Variants in ADAMTS3 observed in about 807,000 individuals in gnomAD.
ADAMTS3 encodes ADAM metallopeptidase with thrombospondin type 1 motif 3.
Under a neutral mutation model 129.0 loss-of-function variants are expected in ADAMTS3, and 73 were observed. The observed-to-expected ratio is 0.57, with a 90% CI of 0.47 to 0.69. The LOEUF is 0.69. Ranked by LOEUF, ADAMTS3 falls within the 30% of genes least tolerant of loss-of-function variation. The probability of loss-of-function intolerance (pLI) is 0.00; values close to 1 mark genes in which losing one functional copy is unlikely to be tolerated. For missense variants in ADAMTS3, 1,457 were observed against 1,514.5 expected (o/e 0.96, Z 0.63); for synonymous variants, 477 against 510.8 (o/e 0.93, Z 0.89).
chr4:72,536,415 T>A (rs879368974), intron 3 of ADAMTS3, among the ~76,000 whole-genome samples: 1 of 152,212 alleles, frequency 6.6e-6, no homozygotes, highest in African/African-American at 2.4e-5. Flanking sequence ...ACAGGCCGAA[T>A]TGGGTTACTG....
chr4:72,326,071 A>C (rs1322850252), intron 5 of ADAMTS3, among the ~76,000 whole-genome samples: 1 of 152,168 alleles, frequency 6.6e-6, no homozygotes, highest in Non-Finnish European at 1.5e-5. Flanking sequence ...AAAAGTCACT[A>C]TTATGCCAGG....
intron 3 of ADAMTS3, among the ~76,000 whole-genome samples, chr4:72,526,441 T>C (rs1165639824): frequency 6.6e-6 from 1 of 151,988 alleles, no homozygotes; most frequent in Non-Finnish European, 1.5e-5. Flanking sequence ...GCAATTTTTT[T>C]CATTGTTAAA....
At chr4:72,534,109 C>T (rs545187654) in intron 3 of ADAMTS3, among the ~76,000 whole-genome samples, 4 of 152,180 alleles carry the variant, frequency 2.6e-5, no homozygotes, top group Admixed American at 6.5e-5. Flanking sequence ...GGGTGGATCG[C>T]GAGGTCGAGA....
chr4:72,520,878 A>G (rs1488275802), intron 3 of ADAMTS3, among the ~76,000 whole-genome samples: 1 of 151,910 alleles, frequency 6.6e-6, no homozygotes, highest in East Asian at 1.9e-4. Context: ...GGCACTGCCT[A>G]GTGAGATGAA....
chr4:72,466,947 A>C (rs900306635), intron 3 of ADAMTS3, among the ~76,000 whole-genome samples: 9 of 152,094 alleles, frequency 5.9e-5, no homozygotes, highest in Non-Finnish European at 1.5e-5. Context: ...ATTAGAGATG[A>C]TAATACCTCA....
chr4:72,294,065 A>T (rs2109775896), intron 19 of ADAMTS3, among the ~76,000 whole-genome samples: 1 of 152,262 alleles, frequency 6.6e-6, no homozygotes, highest in East Asian at 1.9e-4. Flanking sequence ...AAACAAAAAA[A>T]ATACAAGAAA....
chr4:72,519,630 C>A (rs929726044), intron 3 of ADAMTS3, among the ~76,000 whole-genome samples: 2 of 152,148 alleles, frequency 1.3e-5, no homozygotes, highest in Middle Eastern at 3.2e-3. Flanking sequence ...TTGATTGCAT[C>A]GGCTCCTGAG....
At chr4:72,401,041 T>C (rs1173184066) in intron 4 of ADAMTS3, among the ~76,000 whole-genome samples, 1 of 151,214 alleles carries the variant, frequency 6.6e-6, no homozygotes, top group Non-Finnish European at 1.5e-5. Context: ...ACTATATAAA[T>C]TTGAATGAAT....
In ADAMTS3 at chr4:72,281,120, G is replaced by A. The variant is rs1578545223; in HGVS notation, c.*2016C>T. ...GAATATGTACATCTTTATGGAAACT[G>A]TTTGTGTGACCATCTTTATCTTCCC... On this transcript the variant is annotated 3_prime_UTR_variant, in exon 22 of 22. Coordinates refer to ENST00000286657, the MANE Select transcript of ADAMTS3 (RefSeq NM_014243.3). 1 of 152,488 alleles carries A rather than the reference G, an allele frequency of 6.6e-6. No individual in the cohort carries two copies. The highest frequency in any genetic ancestry group is 1.5e-5 in the Non-Finnish European group (1 of 67,984). 9.4% of individuals were successfully genotyped at this position (152,488 alleles called of 1,614,324 possible). A position where few individuals can be genotyped will look rare whatever the true frequency, so the allele number is the denominator to read the frequency against.
intron 4 of ADAMTS3, among the ~76,000 whole-genome samples, chr4:72,410,152 T>C (rs1249729789): frequency 6.6e-6 from 1 of 152,150 alleles, no homozygotes; most frequent in Non-Finnish European, 1.5e-5. Flanking sequence ...GGTTAGAGTA[T>C]ATACTGACAT....
At chr4:72,407,235 C>T (rs1722073218) in intron 4 of ADAMTS3, among the ~76,000 whole-genome samples, 1 of 151,430 alleles carries the variant, frequency 6.6e-6, no homozygotes, top group African/African-American at 2.4e-5. Context: ...ACTGGCTTTC[C>T]CTATATGTTA....
chr4:72,434,522 T>C (rs192780274), intron 3 of ADAMTS3, among the ~76,000 whole-genome samples: 1 of 151,808 alleles, frequency 6.6e-6, no homozygotes, highest in East Asian at 2.0e-4. Context: ...TTGGGTCTTG[T>C]AGTAGGCAGA....
intron 3 of ADAMTS3, 95 bp from the exon 4 acceptor site, chr4:72,415,066 T>A (rs1357570659): frequency 6.2e-6 from 6 of 967,038 alleles, no homozygotes; most frequent in Non-Finnish European, 8.4e-6. Context: ...ATATGACTTG[T>A]GAAAACTAAC....
At chr4:72,480,367 A>G (rs1719397405) in intron 3 of ADAMTS3, among the ~76,000 whole-genome samples, 2 of 152,190 alleles carry the variant, frequency 1.3e-5, no homozygotes, top group African/African-American at 2.4e-5. Flanking sequence ...ATGCAGCCAT[A>G]AAAAAGGATG....
In ADAMTS3 at chr4:72,480,788, T is replaced by A. The variant is rs1370996252; in HGVS notation, c.505-65817A>T. Among the ~76,000 whole-genome samples, 4 of 147,582 alleles carry A rather than the reference T, an allele frequency of 2.7e-5. No individual in the cohort carries two copies. In the East Asian group the frequency reaches 7.8e-4, roughly 29 times the overall value. ...AAAAAAAACTACCCCTATTTCCAGA[T>A]GATATGATAGTCTACATAGAAAATC... On this transcript the variant is annotated intron_variant, in intron 3 of 21. Transcript: ENST00000286657.
chr4:72,291,996 A>C (rs1230825822), intron 19 of ADAMTS3, among the ~76,000 whole-genome samples: 1 of 152,222 alleles, frequency 6.6e-6, no homozygotes, highest in Non-Finnish European at 1.5e-5. Flanking sequence ...GGGTTTCTGA[A>C]ACTCATCTTA....
At chr4:72,434,248 T>C (rs7669251) in intron 3 of ADAMTS3, among the ~76,000 whole-genome samples, 5,258 of 151,768 alleles carry the variant, frequency 0.035, 312 homozygotes, top group African/African-American at 0.12. Context: ...GCAATGCCAA[T>C]TTACAAATAC....
At chr4:72,464,472 G>C (rs937011388) in intron 3 of ADAMTS3, among the ~76,000 whole-genome samples, 3 of 151,940 alleles carry the variant, frequency 2.0e-5, no homozygotes, top group African/African-American at 7.2e-5. Context: ...GGTGGGCAGG[G>C]CTAAATTGTG....
chr4:72,359,112 AG>A (rs1211699725), intron 4 of ADAMTS3, among the ~76,000 whole-genome samples: 4 of 152,072 alleles, frequency 2.6e-5, no homozygotes, highest in Non-Finnish European at 5.9e-5. Context: ...CAGAACATTC[AG>A]ATTGTTTTAA....
Sources: allele counts gnomAD v4.1 joint callset (sites outside exome capture counted in the v4.1 genomes callset), GRCh38; gene constraint gnomAD v4.1.1; transcripts MANE v1.5; gene names NCBI Gene and HGNC (gene_info 2026-07-23, HGNC 2026-07-21).